Variants in OLFM3 observed in about 807,000 individuals in gnomAD.
The protein encoded by OLFM3 is olfactomedin 3, also known as noelin-3.
A neutral mutation model predicts 48.6 loss-of-function variants in OLFM3; 20 were observed. The observed-to-expected ratio is 0.41, with a 90% CI of 0.29 to 0.60. The LOEUF (loss-of-function observed/expected upper bound fraction) is 0.60. Ranked by LOEUF, OLFM3 falls within the 20% of genes least tolerant of loss-of-function variation. The pLI, the probability that OLFM3 is intolerant of heterozygous loss-of-function variation, is 0.28. For missense variants in OLFM3, 437 were observed against 544.3 expected (o/e 0.80, Z 1.96); for synonymous variants, 222 against 198.1 (o/e 1.12, Z -1.01).
At chr1:101,969,779 T>A (rs1158584574) in intron 1 of OLFM3, among the ~76,000 whole-genome samples, 1 of 152,062 alleles carries the variant, frequency 6.6e-6, no homozygotes, top group Non-Finnish European at 1.5e-5. Context: ...TCCGTGTCTA[T>A]GTCAGGAGAA....
At chr1:101,883,399 T>A (rs1570594265) in intron 1 of OLFM3, among the ~76,000 whole-genome samples, 1 of 151,628 alleles carries the variant, frequency 6.6e-6, no homozygotes, top group South Asian at 2.1e-4. Flanking sequence ...AATTCAGATT[T>A]CTACTTCCAA....
rs563658170 is a variant in OLFM3 at position 101,924,508 on chromosome 1, C to G, written c.69+72240G>C. 6.5e-4 allele frequency among the ~76,000 whole-genome samples: 99 copies of G among 152,136 alleles called. 4 individuals carry two copies. In the South Asian group the frequency reaches 0.02, roughly 31 times the overall value. ...AAAGTTTGAATTCTGGAAAATTAAC[C>G]CATTGTATTAGATCCCACTTGCATG... On this transcript the variant is annotated intron_variant, in intron 1 of 5. Transcript: ENST00000370103.
At chr1:101,949,931 GAAAAA>G (rs71088114) in intron 1 of OLFM3, among the ~76,000 whole-genome samples, 3 of 53,366 alleles carry the variant, frequency 5.6e-5, no homozygotes, top group Admixed American at 2.9e-4. Context: ...GACTCCGTCT[GAAAAA>G]AAAAAAAAAA....
chr1:101,920,902 A>G (rs911323910), intron 1 of OLFM3, among the ~76,000 whole-genome samples: 3 of 152,146 alleles, frequency 2.0e-5, no homozygotes, highest in Non-Finnish European at 2.9e-5. Context: ...AAGCTATTAC[A>G]ATTTGTCTTT....
intron 1 of OLFM3, among the ~76,000 whole-genome samples, chr1:101,918,646 A>G (rs1659001603): frequency 6.6e-6 from 1 of 151,082 alleles, no homozygotes; most frequent in Admixed American, 6.6e-5. Flanking sequence ...CCATCTCAAA[A>G]TCCTTAACTT....
At chr1:101,956,869 G>C (rs574431722) in intron 1 of OLFM3, among the ~76,000 whole-genome samples, 1 of 151,752 alleles carries the variant, frequency 6.6e-6, no homozygotes, top group Non-Finnish European at 1.5e-5. Flanking sequence ...TCTTAACTCT[G>C]TGTCCATATA....
Position 101,830,718 on chromosome 1 carries a change from C to A in OLFM3, c.326G>T (p.Arg109Leu). 1 of 1,614,122 alleles carries A rather than the reference C, an allele frequency of 6.2e-7. No individual in the cohort carries two copies. The highest frequency in any genetic ancestry group is 1.1e-5 in the South Asian group (1 of 91,076). The change falls in exon 3 of 6, where the codon CGG (arginine) becomes CTG (leucine). Residue 109 changes from arginine to leucine, a missense_variant. Arg to Leu is a moderately radical substitution (Grantham distance 102). Transcript: ENST00000370103. ...TQMKGLKAKF[R>L]QIEDDRKTLM... The stretch of plus-strand genomic sequence containing the variant: ...TGTCTTTCGATCATCTTCAATCTGC[C>A]GAAATTTTGCCTTCAGCCCTTTCAT...
intron 1 of OLFM3, among the ~76,000 whole-genome samples, chr1:101,965,177 G>A (rs1373579377): frequency 6.6e-6 from 1 of 152,176 alleles, no homozygotes; most frequent in African/African-American, 2.4e-5. Flanking sequence ...CAGTAACAGT[G>A]CTTTTGTTAT....
chr1:101,891,731 A>G (rs1658006796), intron 1 of OLFM3, among the ~76,000 whole-genome samples: 1 of 152,012 alleles, frequency 6.6e-6, no homozygotes, highest in Non-Finnish European at 1.5e-5. Flanking sequence ...GTTAGTGGCC[A>G]AATCTCCAAT....
intron 1 of OLFM3, among the ~76,000 whole-genome samples, chr1:101,948,522 A>G (rs1463471589): frequency 6.6e-6 from 1 of 152,002 alleles, no homozygotes; most frequent in African/African-American, 2.4e-5. Flanking sequence ...TTTTTTTGCC[A>G]ATTATTTTTT....
At chr1:101,870,758 C>A (rs1657048940) in intron 1 of OLFM3, among the ~76,000 whole-genome samples, 1 of 151,746 alleles carries the variant, frequency 6.6e-6, no homozygotes, top group Non-Finnish European at 1.5e-5. Flanking sequence ...GCAGAAAGGT[C>A]AGAATTATAA....
At chr1:101,888,450 T>C (rs981694149) in intron 1 of OLFM3, among the ~76,000 whole-genome samples, 1 of 152,238 alleles carries the variant, frequency 6.6e-6, no homozygotes, top group East Asian at 1.9e-4. Flanking sequence ...TAGGCATATG[T>C]AGAAAGCTGA....
intron 1 of OLFM3, among the ~76,000 whole-genome samples, chr1:101,853,188 C>T (rs1171694803): frequency 1.3e-5 from 2 of 152,144 alleles, no homozygotes; most frequent in Non-Finnish European, 2.9e-5. Flanking sequence ...TCTTTCAGCT[C>T]TCCCCTTTGT....
In OLFM3 at chr1:101,948,328, C is replaced by T. The variant is rs866721648; in HGVS notation, c.69+48420G>A. 3.9e-5 allele frequency among the ~76,000 whole-genome samples: 6 copies of T among 151,998 alleles called. No homozygotes were observed. In the South Asian group the frequency reaches 1.0e-3, roughly 26 times the overall value. ...TGGAGATAATGAATGAGCAAATTTT[C>T]AGAAAATGAGTTTTCTTCCCATTCT... is the stretch of plus-strand genomic sequence containing the variant. On this transcript the variant is annotated intron_variant, in intron 1 of 5. Coordinates refer to ENST00000370103, the MANE Select transcript of OLFM3 (RefSeq NM_058170.4).
chr1:101,840,664 T>G (rs1655675710), intron 1 of OLFM3, among the ~76,000 whole-genome samples: 1 of 151,920 alleles, frequency 6.6e-6, no homozygotes, highest in Non-Finnish European at 1.5e-5. Context: ...GGTGATGGGG[T>G]TTTACCATGT....
At chr1:101,926,616 C>A (rs1659277276) in intron 1 of OLFM3, among the ~76,000 whole-genome samples, 1 of 152,160 alleles carries the variant, frequency 6.6e-6, no homozygotes, top group Non-Finnish European at 1.5e-5. Flanking sequence ...TATACAAAGT[C>A]TCTAGTACAA....
intron 1 of OLFM3, among the ~76,000 whole-genome samples, chr1:101,921,351 A>C (rs1659088980): frequency 6.6e-6 from 1 of 152,188 alleles, no homozygotes; most frequent in Non-Finnish European, 1.5e-5. Context: ...TCTGAGATAT[A>C]AAATCTAAAG....
intron 1 of OLFM3, among the ~76,000 whole-genome samples, chr1:101,928,593 C>G (rs751510290): frequency 2.0e-5 from 3 of 152,124 alleles, no homozygotes; most frequent in Non-Finnish European, 4.4e-5. Context: ...GAATTTCACT[C>G]ATTCCTGGTG....
At chr1:101,900,118 T>C (rs1420110967) in intron 1 of OLFM3, among the ~76,000 whole-genome samples, 1 of 152,334 alleles carries the variant, frequency 6.6e-6, no homozygotes, top group African/African-American at 2.4e-5. Flanking sequence ...ATTATATTAA[T>C]AGTACTCATG....
Sources: gnomAD v4.1 joint callset for allele counts (sites outside exome capture counted in the v4.1 genomes callset) on GRCh38, gnomAD v4.1.1 for gene constraint, MANE v1.5 for transcripts, NCBI Gene and HGNC (gene_info 2026-07-23, HGNC 2026-07-21) for gene names.